The following CLECL1 variants were observed in gnomAD, a reference collection of about 807,000 sequenced individuals.
CLECL1 encodes C-type lectin-like domain family 1.
downstream of CLECL1, chr12:9,722,363 C>A: frequency 2.8e-6 from 1 of 360,096 alleles, no homozygotes; most frequent in Admixed American, 4.9e-5. Flanking sequence ...AGATCATATA[C>A]TCAATTTCTT....
At chr12:9,728,876 T>C (rs1171833347) in intron 2 of CLECL1, among the ~76,000 whole-genome samples, 2 of 152,004 alleles carry the variant, frequency 1.3e-5, no homozygotes, top group African/African-American at 4.8e-5. Context: ...TGCTTATTTA[T>C]TTGTAATAGA....
chr12:9,725,155 A>G (rs75512904), intron 3 of CLECL1, among the ~76,000 whole-genome samples: 2,955 of 152,264 alleles, frequency 0.019, 95 homozygotes, highest in African/African-American at 0.063. Context: ...TAATCACTAT[A>G]GCTAATGTTA....
chr12:9,718,795 C>G (rs1053879708), downstream of CLECL1: 23 of 696,720 alleles, frequency 3.3e-5, no homozygotes, highest in African/African-American at 3.0e-4. Flanking sequence ...AGGAGAGATG[C>G]CTCAGAAGAA....
At chr12:9,728,987 C>G (rs16927874) in intron 2 of CLECL1, among the ~76,000 whole-genome samples, 32,922 of 151,774 alleles carry the variant, frequency 0.22, 4,473 homozygotes, top group African/African-American at 0.39. Context: ...GCCTGAATTA[C>G]TTGGAATATA....
downstream of CLECL1, among the ~76,000 whole-genome samples, chr12:9,715,572 T>C (rs139687282): frequency 2.8e-3 from 426 of 152,306 alleles, no homozygotes; most frequent in Non-Finnish European, 3.6e-3. Flanking sequence ...AGTGACCTGA[T>C]GTATGCACTG....
chr12:9,729,872 T>C (rs748255299), intron 1 of CLECL1, among the ~76,000 whole-genome samples: 68 of 152,262 alleles, frequency 4.5e-4, no homozygotes, highest in African/African-American at 1.6e-3. Context: ...TGAATAAATA[T>C]GAATTTTTCC....
chr12:9,722,874 C>A (rs1281718631), intron 3 of CLECL1, 61 bp from the exon 2 acceptor site: 7 of 1,262,158 alleles, frequency 5.5e-6, no homozygotes, highest in South Asian at 1.5e-5. Flanking sequence ...ATAATGTATA[C>A]TAATTGAAGG....
chr12:9,711,131 T>G (rs1866196622), downstream of CLECL1, among the ~76,000 whole-genome samples: 1 of 152,140 alleles, frequency 6.6e-6, no homozygotes, highest in Non-Finnish European at 1.5e-5. Context: ...GACATTGCTG[T>G]GGGATCTGAA....
exon 3 of CLECL1, among the ~76,000 whole-genome samples, chr12:9,727,572 G>A (rs768768645): frequency 2.6e-5 from 4 of 151,708 alleles, no homozygotes; most frequent in Non-Finnish European, 5.9e-5. Context: ...TACCTACTGA[G>A]GTGATTGTTC....
At chr12:9,705,431 C>T in the CLECL1 span, among the ~76,000 whole-genome samples, 3 of 152,080 alleles carry the variant, frequency 2.0e-5, no homozygotes, top group African/African-American at 7.2e-5. Context: ...TCAATCTTTC[C>T]TTTTCTTACA....
intron 2 of CLECL1, among the ~76,000 whole-genome samples, chr12:9,728,682 A>G (rs1227505055): frequency 4.6e-5 from 7 of 152,054 alleles, no homozygotes; most frequent in Non-Finnish European, 8.8e-5. Context: ...GAAAAGTAGT[A>G]TAGTAGGGAT....
At chr12:9,724,137 A>G (rs926246576) in intron 3 of CLECL1, among the ~76,000 whole-genome samples, 1 of 151,098 alleles carries the variant, frequency 6.6e-6, no homozygotes, top group Non-Finnish European at 1.5e-5. Context: ...CAATGAGCCC[A>G]GATCATGTCA....
At chr12:9,702,962 C>T in the CLECL1 span, among the ~76,000 whole-genome samples, 32,915 of 152,094 alleles carry the variant, frequency 0.22, 4,708 homozygotes, top group African/African-American at 0.41. Context: ...CCAATCAACA[C>T]AGAGGAAGAG....
At chr12:9,704,682 A>G in the CLECL1 span, among the ~76,000 whole-genome samples, 3 of 151,982 alleles carry the variant, frequency 2.0e-5, no homozygotes, top group Non-Finnish European at 4.4e-5. Context: ...CATTCCTGTG[A>G]TAGTTTGGTA....
intron 1 of CLECL1, among the ~76,000 whole-genome samples, chr12:9,732,221 CT>C (rs1866456175): frequency 6.6e-6 from 1 of 152,116 alleles, no homozygotes; most frequent in Non-Finnish European, 1.5e-5. Flanking sequence ...AAAGGAGGAA[CT>C]TTAAATTATT....
downstream of CLECL1, among the ~76,000 whole-genome samples, chr12:9,720,878 A>G (rs1866301610): frequency 6.6e-6 from 1 of 152,152 alleles, no homozygotes; most frequent in Non-Finnish European, 1.5e-5. Context: ...TCTTACTGGT[A>G]TCTGGTGTTG....
upstream of CLECL1, chr12:9,733,277 C>T (rs748119457): frequency 3.9e-6 from 6 of 1,557,530 alleles, no homozygotes; most frequent in Middle Eastern, 3.4e-4. Flanking sequence ...AGTAGGTTCT[C>T]GTTTTTCAGT....
At chr12:9,734,027 G>A (rs774886182), upstream of CLECL1, among the ~76,000 whole-genome samples, 6 of 152,352 alleles carry the variant, frequency 3.9e-5, no homozygotes, top group African/African-American at 7.2e-5. Flanking sequence ...CTGTGAAACC[G>A]TCATAGGACA....
At chr12:9,715,026 G>A (rs1396248140), downstream of CLECL1, among the ~76,000 whole-genome samples, 1 of 152,042 alleles carries the variant, frequency 6.6e-6, no homozygotes, top group East Asian at 1.9e-4. Context: ...TCTACTTTGG[G>A]TCTGAGGGAT....
Sources: gnomAD v4.1 joint callset for allele counts (sites outside exome capture counted in the v4.1 genomes callset) on GRCh38, gnomAD v4.1.1 for gene constraint, MANE v1.5 for transcripts, NCBI Gene and HGNC (gene_info 2026-07-23, HGNC 2026-07-21) for gene names.